The following NME7 variants were observed in gnomAD, a reference collection of about 807,000 sequenced individuals.
The protein encoded by NME7 is NME/NM23 family member 7.
In NME7, 41 loss-of-function variants were observed where a neutral mutation model predicts 49.1. The observed-to-expected ratio is 0.83, with a 90% confidence interval of 0.65 to 1.08. The LOEUF (loss-of-function observed/expected upper bound fraction) is 1.08. Ranked by LOEUF, NME7 falls within the 50% of genes least tolerant of loss-of-function variation. The pLI is 0.00. For missense variants in NME7, 423 were observed against 463.4 expected (o/e 0.91, Z 0.80); for synonymous variants, 139 against 150.6 (o/e 0.92, Z 0.56).
chr1:169,134,064 T>A (rs1658347360), intron 11 of NME7, among the ~76,000 whole-genome samples: 1 of 152,232 alleles, frequency 6.6e-6, no homozygotes, highest in African/African-American at 2.4e-5. Flanking sequence ...TTCTCCAGAT[T>A]GTGCCAACCT....
chr1:169,210,443 C>T (rs900084796), intron 10 of NME7, among the ~76,000 whole-genome samples: 3 of 152,086 alleles, frequency 2.0e-5, no homozygotes, highest in African/African-American at 7.2e-5. Flanking sequence ...ATTATCGTGG[C>T]AAAATAATTC....
chr1:169,226,238 T>C (rs1168046002), intron 10 of NME7, among the ~76,000 whole-genome samples: 1 of 152,202 alleles, frequency 6.6e-6, no homozygotes, highest in African/African-American at 2.4e-5. Context: ...ATCTGCACTT[T>C]AAGGTGAGAT....
At chr1:169,187,361 T>C in intron 10 of NME7, among the ~76,000 whole-genome samples, 1 of 152,110 alleles carries the variant, frequency 6.6e-6, no homozygotes, top group East Asian at 1.9e-4. Flanking sequence ...AGTCTCCCAC[T>C]ATTATTGTGT....
intron 1 of NME7, among the ~76,000 whole-genome samples, chr1:169,343,568 T>G (rs1182942599): frequency 6.6e-6 from 1 of 151,858 alleles, no homozygotes; most frequent in African/African-American, 2.4e-5. Context: ...CTTGGTTCAC[T>G]GCAACCTCTG....
At chr1:169,164,845 C>A (rs1659362459) in intron 11 of NME7, among the ~76,000 whole-genome samples, 1 of 152,112 alleles carries the variant, frequency 6.6e-6, no homozygotes, top group Non-Finnish European at 1.5e-5. Flanking sequence ...AGAAATATTC[C>A]AAGGCTTTCA....
intron 3 of NME7, among the ~76,000 whole-genome samples, chr1:169,319,010 T>G (rs1245000764): frequency 6.7e-6 from 1 of 148,972 alleles, no homozygotes; most frequent in Non-Finnish European, 1.5e-5. Flanking sequence ...TTTTTTGTAT[T>G]TATTAAAATT....
intron 6 of NME7, among the ~76,000 whole-genome samples, chr1:169,295,875 T>G (rs1029388155): frequency 3.3e-5 from 5 of 152,178 alleles, no homozygotes; most frequent in South Asian, 4.1e-4. Flanking sequence ...GTTTTGATCT[T>G]GCTTCCTACT....
intron 1 of NME7, among the ~76,000 whole-genome samples, chr1:169,342,257 A>G (rs1044652228): frequency 6.6e-6 from 1 of 151,800 alleles, no homozygotes; most frequent in African/African-American, 2.4e-5. Flanking sequence ...AATGGTTTTA[A>G]AAGTGGAAGC....
At chr1:169,241,450 A>T (rs1648082551) in intron 7 of NME7, among the ~76,000 whole-genome samples, 1 of 151,860 alleles carries the variant, frequency 6.6e-6, no homozygotes, top group African/African-American at 2.4e-5. Context: ...CTCATTAATG[A>T]TAATAAAAAA....
chr1:169,365,975 G>GGTC (rs1653836154), intron 1 of NME7, among the ~76,000 whole-genome samples: 1 of 152,138 alleles, frequency 6.6e-6, no homozygotes, highest in Non-Finnish European at 1.5e-5. Context: ...GTTCAGTTTT[G>GGTC]GTCATATTAA....
At chr1:169,190,046 G>A (rs537743224) in intron 10 of NME7, among the ~76,000 whole-genome samples, 10 of 152,082 alleles carry the variant, frequency 6.6e-5, no homozygotes, top group African/African-American at 1.7e-4. Context: ...TACTTCTGTC[G>A]TTTTAGAAAG....
chr1:169,135,014 CAAAAAAAA>C lies in NME7; in HGVS notation c.1099-2205_1099-2198del, dbSNP rs58463903. ...ACATAAGGAGATCCCCCCGTCTCTACAAAAAAAAAAAAAAAAAAAAAAAAAAATAGCCG... is the reference window on the plus strand; with the variant it reads ...ACATAAGGAGATCCCCCCGTCTCTACAAAAAAAAAAAAAAAAAAATAGCCG... On this transcript the variant is annotated intron_variant, in intron 11 of 11. Coordinates refer to ENST00000367811, the MANE Select transcript of NME7 (RefSeq NM_013330.5). Among the ~76,000 whole-genome samples, 255 of 50,386 alleles carry C rather than the reference CAAAAAAAA, an allele frequency of 5.1e-3. 3 individuals are homozygous for C. Among genetic ancestry groups the C allele is most frequent in the Admixed American group, 6.6e-3 (28 of 4,246 alleles). The allele number at this position is 50,386 out of a possible 152,430, so 33.1% of individuals were successfully genotyped here.
At chr1:169,213,822 A>G (rs898948075) in intron 10 of NME7, among the ~76,000 whole-genome samples, 21 of 143,018 alleles carry the variant, frequency 1.5e-4, no homozygotes, top group Admixed American at 9.0e-4. Flanking sequence ...AAATAAAATA[A>G]ATAAATAAAT....
chr1:169,330,550 G>A (rs1029473402), intron 1 of NME7, among the ~76,000 whole-genome samples: 4 of 152,078 alleles, frequency 2.6e-5, no homozygotes, highest in African/African-American at 4.8e-5. Flanking sequence ...ATGGTGGCAG[G>A]CGCCTGTAGT....
chr1:169,135,014 C>CAAAAAAAAAA lies in NME7; in HGVS notation c.1099-2207_1099-2198dup, dbSNP rs58463903. On this transcript the variant is annotated intron_variant, in intron 11 of 11. Transcript: ENST00000367811. ...ACATAAGGAGATCCCCCCGTCTCTA[C>CAAAAAAAAAA]AAAAAAAAAAAAAAAAAAAAAAAAA... 6.1e-3 allele frequency among the ~76,000 whole-genome samples: 309 copies of CAAAAAAAAAA among 50,356 alleles called. 21 individuals are homozygous for CAAAAAAAAAA. Among genetic ancestry groups the CAAAAAAAAAA allele is most frequent in the Middle Eastern group, 0.013 (1 of 76 alleles). 33.0% of individuals were successfully genotyped at this position (50,356 alleles called of 152,430 possible).
rs764526293 is a variant in NME7 at position 169,298,681 on chromosome 1, G to T, written c.523C>A (p.Leu175Met). 1.3e-5 allele frequency: 21 copies of T among 1,613,780 alleles called. No individual in the cohort carries two copies. The highest frequency in any genetic ancestry group is 1.7e-5 in the Admixed American group (1 of 59,926). Residue 175 changes from leucine to methionine, a missense_variant, in exon 6 of 12, where the codon CTG becomes ATG. By Grantham distance (15) the Leu-to-Met change is conservative. Coordinates refer to ENST00000367811, the MANE Select transcript of NME7 (RefSeq NM_013330.5). ...RDDAICEWKR[L>M]LGPANSGVAR... ...ACTCCAGAGTTTGCAGGTCCCAGCA[G>T]TCTTTTCCATTCACATATAGCATCA...
chr1:169,356,614 C>G (rs1032389047), intron 1 of NME7, among the ~76,000 whole-genome samples: 1 of 152,120 alleles, frequency 6.6e-6, no homozygotes, highest in African/African-American at 2.4e-5. Context: ...GTCACCAACT[C>G]TGTGTATCTT....
chr1:169,326,781 G>A (rs1401262764), intron 1 of NME7, among the ~76,000 whole-genome samples: 1 of 152,144 alleles, frequency 6.6e-6, no homozygotes, highest in East Asian at 1.9e-4. Context: ...TGGTACATCT[G>A]GACTTGGGAT....
intron 3 of NME7, among the ~76,000 whole-genome samples, chr1:169,320,135 GAC>G (rs1257742509): frequency 6.6e-6 from 1 of 152,078 alleles, no homozygotes; most frequent in Non-Finnish European, 1.5e-5. Flanking sequence ...TTTTTAGAAA[GAC>G]ACAAATTGTA....
Sources: allele counts gnomAD v4.1 joint callset (sites outside exome capture counted in the v4.1 genomes callset), GRCh38; gene constraint gnomAD v4.1.1; transcripts MANE v1.5; gene names NCBI Gene and HGNC (gene_info 2026-07-23, HGNC 2026-07-21).